KALRN: variants seen among roughly 807,000 people sequenced by gnomAD.
KALRN encodes the protein kalirin RhoGEF kinase, also known as kalirin.
A neutral mutation model predicts 353.7 loss-of-function variants in KALRN; 70 were observed. The observed-to-expected ratio is 0.20, with a 90% CI of 0.16 to 0.24. KALRN has a LOEUF of 0.24. Ranked by LOEUF, KALRN falls within the 10% of genes least tolerant of loss-of-function variation. KALRN has a pLI of 1.00. For missense variants in KALRN, 2,791 were observed against 3,756.7 expected (o/e 0.74, Z 6.72); for synonymous variants, 1,391 against 1,434.8 (o/e 0.97, Z 0.69).
intron 34 of KALRN, among the ~76,000 whole-genome samples, chr3:124,599,650 C>T (rs2076612231): frequency 6.6e-6 from 1 of 152,186 alleles, no homozygotes; most frequent in Non-Finnish European, 1.5e-5. Context: ...GGACGTTGTA[C>T]TCAGTGGCCT....
chr3:124,496,012 T>C (rs11711338), intron 32 of KALRN, among the ~76,000 whole-genome samples: 17,753 of 43,462 alleles, frequency 0.41, 4,860 homozygotes, highest in Non-Finnish European at 0.46. Flanking sequence ...TATATATATA[T>C]ACACACACAT....
At chr3:124,109,704 A>T (rs937361657) in intron 1 of KALRN, among the ~76,000 whole-genome samples, 1 of 148,710 alleles carries the variant, frequency 6.7e-6, no homozygotes, top group African/African-American at 2.5e-5. Flanking sequence ...TCATACTTTG[A>T]TATATATATG....
In KALRN at chr3:124,244,333, G is replaced by GT. The variant is rs558516361; in HGVS notation, c.263+9392dup. 1.3e-4 allele frequency among the ~76,000 whole-genome samples: 20 copies of GT among 152,216 alleles called. No individual in the cohort carries two copies. In the East Asian group the frequency reaches 3.7e-3, roughly 28 times the overall value. Reference sequence around the variant, plus strand: ...GCTCACTGCAACCTCCGCCTCCTTGGTTCAAGCGATCCTCTTGCCTCAGCC... The same window carrying GT: ...GCTCACTGCAACCTCCGCCTCCTTGGTTTCAAGCGATCCTCTTGCCTCAGCC... On this transcript the variant is annotated intron_variant, in intron 3 of 59. Coordinates refer to ENST00000682506, the MANE Select transcript of KALRN (RefSeq NM_001388419.1).
At chr3:124,601,015 TTC>T (rs1169390706) in intron 34 of KALRN, among the ~76,000 whole-genome samples, 1 of 152,178 alleles carries the variant, frequency 6.6e-6, no homozygotes, top group Non-Finnish European at 1.5e-5. Context: ...TTGTGGGCAA[TTC>T]TCTGTCTTTA....
chr3:124,340,098 T>C (rs1350890403), intron 9 of KALRN, among the ~76,000 whole-genome samples: 2 of 152,304 alleles, frequency 1.3e-5, no homozygotes, highest in East Asian at 1.9e-4. Flanking sequence ...CCTGTTTACA[T>C]AGAGCTTACA....
chr3:124,235,280 A>G (rs1289666944), intron 3 of KALRN, among the ~76,000 whole-genome samples: 4 of 152,186 alleles, frequency 2.6e-5, no homozygotes. Flanking sequence ...TCTTGGGGAT[A>G]GCAAAAGATT....
intron 31 of KALRN, chr3:124,491,676 G>T: frequency 3.0e-6 from 1 of 338,470 alleles, no homozygotes; most frequent in Non-Finnish European, 5.3e-6. Context: ...AGTGGCTTGT[G>T]GGACCAGCTC....
chr3:124,136,556 A>G (rs1000419306), intron 1 of KALRN, among the ~76,000 whole-genome samples: 4 of 152,168 alleles, frequency 2.6e-5, no homozygotes, highest in Admixed American at 2.6e-4. Context: ...GGCTGGCTCT[A>G]GGGGAGCCTG....
intron 5 of KALRN, among the ~76,000 whole-genome samples, chr3:124,291,997 G>T (rs1014432877): frequency 1.3e-5 from 2 of 152,146 alleles, no homozygotes; most frequent in African/African-American, 4.8e-5. Context: ...TCTGTGGTCT[G>T]CAGGGTTTGC....
intron 1 of KALRN, among the ~76,000 whole-genome samples, chr3:124,146,355 A>T (rs1578589927): frequency 6.6e-6 from 1 of 152,208 alleles, no homozygotes; most frequent in East Asian, 1.9e-4. Flanking sequence ...AAATTAAAAA[A>T]TTGGAACTTT....
intron 21 of KALRN, among the ~76,000 whole-genome samples, chr3:124,451,188 TA>T (rs1402440890): frequency 1.3e-5 from 2 of 151,702 alleles, no homozygotes; most frequent in Non-Finnish European, 2.9e-5. Flanking sequence ...AAAAGGGCTT[TA>T]AAAAAATTTA....
chr3:124,133,923 A>T (rs1032893271), intron 1 of KALRN, among the ~76,000 whole-genome samples: 1 of 152,238 alleles, frequency 6.6e-6, no homozygotes, highest in Non-Finnish European at 1.5e-5. Flanking sequence ...ATGGATGGGT[A>T]GAATCAATAT....
chr3:124,129,216 G>T (rs1448580033), intron 1 of KALRN, among the ~76,000 whole-genome samples: 1 of 152,116 alleles, frequency 6.6e-6, no homozygotes, highest in Non-Finnish European at 1.5e-5. Flanking sequence ...GCATCATGGT[G>T]GCATGGAAAG....
intron 13 of KALRN, among the ~76,000 whole-genome samples, chr3:124,409,050 C>G (rs2091894671): frequency 1.3e-5 from 2 of 152,100 alleles, no homozygotes; most frequent in Admixed American, 1.3e-4. Flanking sequence ...CTCTGATTTC[C>G]CTTATTGATG....
At chr3:124,123,556 T>C (rs2064287716) in intron 1 of KALRN, among the ~76,000 whole-genome samples, 3 of 152,188 alleles carry the variant, frequency 2.0e-5, no homozygotes, top group Admixed American at 6.5e-5. Flanking sequence ...AAATGCAAGA[T>C]GAAGCAGCAA....
intron 58 of KALRN, among the ~76,000 whole-genome samples, chr3:124,716,164 C>T (rs558294121): frequency 1.4e-4 from 21 of 152,126 alleles, no homozygotes; most frequent in Non-Finnish European, 2.6e-4. Context: ...TGGATGGCTC[C>T]ATATACCATG....
chr3:124,043,662 C>T (rs2040165554), intron 1 of KALRN, among the ~76,000 whole-genome samples: 2 of 152,086 alleles, frequency 1.3e-5, no homozygotes, highest in African/African-American at 4.8e-5. Context: ...GAGGGTAGTA[C>T]AAGCTGAGGC....
chr3:124,422,854 A>C lies in KALRN; in HGVS notation c.2585A>C (p.Gln862Pro). ...ICEKDIDLAAQVQELLEFLHE... is the reference protein window; with the variant it reads ...ICEKDIDLAAPVQELLEFLHE... Reference sequence around the variant, plus strand: ...GAAAAAGACATTGATCTGGCAGCCCAGGTGCAAGAGTTATTGGAATTTCTC... The same window carrying C: ...GAAAAAGACATTGATCTGGCAGCCCCGGTGCAAGAGTTATTGGAATTTCTC... The change falls in exon 15 of 60, where the codon CAG becomes CCG. Residue 862 changes from glutamine to proline, a missense_variant. Gln to Pro is a moderately conservative substitution (Grantham distance 76). Coordinates refer to ENST00000682506, the MANE Select transcript of KALRN (RefSeq NM_001388419.1). The C allele has an allele frequency of 6.2e-7, 1 of 1,613,936 alleles. No homozygotes were observed. Among genetic ancestry groups the C allele is most frequent in the Non-Finnish European group, 8.5e-7 (1 of 1,179,844 alleles).
intron 1 of KALRN, among the ~76,000 whole-genome samples, chr3:124,145,099 A>G (rs898161284): frequency 2.0e-5 from 3 of 152,038 alleles, no homozygotes; most frequent in Non-Finnish European, 4.4e-5. Flanking sequence ...TCCTGGCTAG[A>G]GCTTAAGGCT....
Sources: gnomAD v4.1 joint callset for allele counts (sites outside exome capture counted in the v4.1 genomes callset) on GRCh38, gnomAD v4.1.1 for gene constraint, MANE v1.5 for transcripts, NCBI Gene and HGNC (gene_info 2026-07-23, HGNC 2026-07-21) for gene names.